The following ITGA11 variants were observed in gnomAD, a reference collection of about 807,000 sequenced individuals.
The protein encoded by ITGA11 is integrin alpha-11.
ITGA11 carries 97 observed loss-of-function variants against 141.9 expected under a neutral mutation model. That is an observed-to-expected ratio of 0.68 (90% CI 0.58 to 0.81). ITGA11 has a LOEUF of 0.81. ITGA11 is among the 30% of genes least tolerant of loss of function. The pLI, the probability that ITGA11 is intolerant of heterozygous loss-of-function variation, is 0.00. For missense variants in ITGA11, 1,387 were observed against 1,559.2 expected (o/e 0.89, Z 1.86); for synonymous variants, 658 against 624.6 (o/e 1.05, Z -0.80).
At position 68,365,138 on chromosome 15, in the gene ITGA11, C is replaced by T. The variant is rs920749887; in HGVS notation, c.266-340G>A. On this transcript the variant is annotated intron_variant, in intron 3 of 29. Transcript: ENST00000315757. ...CCGTGTGCCCCCAAGCATGCCATGG[C>T]ATCCCACCTGGGCTGGCTTCCTTTG... The T allele has an allele frequency of 3.0e-6, 3 of 985,256 alleles. No homozygotes were observed. The African/African-American group carries it at 5.2e-5, about 17-fold the overall frequency. The allele number at this position is 985,256 out of a possible 1,614,324, so 61.0% of individuals were successfully genotyped here.
At chr15:68,422,990 G>T (rs1897055363) in intron 1 of ITGA11, among the ~76,000 whole-genome samples, 2 of 152,152 alleles carry the variant, frequency 1.3e-5, no homozygotes, top group Non-Finnish European at 2.9e-5. Context: ...ATCTCCCAGG[G>T]CCTGATTCCA....
At chr15:68,397,739 ATATT>A (rs1896354432) in intron 2 of ITGA11, among the ~76,000 whole-genome samples, 1 of 107,540 alleles carries the variant, frequency 9.3e-6, no homozygotes, top group African/African-American at 4.1e-5. Flanking sequence ...TTAAAATATT[ATATT>A]TAAAATATTA....
In ITGA11 at chr15:68,331,936, G is replaced by T. The variant is rs1326043261; in HGVS notation, c.1693C>A (p.Pro565Thr). 3 of 1,613,432 alleles carry T rather than the reference G, an allele frequency of 1.9e-6. No individual in the cohort carries two copies. The highest frequency in any genetic ancestry group is 2.2e-5 in the East Asian group (1 of 44,842). ...DSYNDVVVGA[P>T]LEDNHAGAIY... ...GCTCCTGCGTGGTTGTCCTCCAGGG[G>T]GGCTCCCACCACCACGTCATTGTAG... Residue 565 changes from proline to threonine, a missense_variant, in exon 14 of 30, where the codon CCC becomes ACC. Coordinates refer to ENST00000315757, the MANE Select transcript of ITGA11 (RefSeq NM_001004439.2).
chr15:68,417,642 C>G (rs764046476), intron 1 of ITGA11, among the ~76,000 whole-genome samples: 1 of 152,240 alleles, frequency 6.6e-6, no homozygotes, highest in South Asian at 2.1e-4. Flanking sequence ...CAGGGCCCAC[C>G]AGGCCCTGCG....
chr15:68,419,933 GTGT>G (rs1212245324), intron 1 of ITGA11, among the ~76,000 whole-genome samples: 5 of 152,174 alleles, frequency 3.3e-5, no homozygotes, highest in Non-Finnish European at 7.3e-5. Context: ...GTCGAGACCA[GTGT>G]TGAAACCTTA....
intron 1 of ITGA11, among the ~76,000 whole-genome samples, chr15:68,429,461 A>G (rs1897219424): frequency 6.6e-6 from 1 of 152,112 alleles, no homozygotes; most frequent in Admixed American, 6.5e-5. Flanking sequence ...GGACTTGATT[A>G]CTTTTTTTTT....
chr15:68,402,331 T>C (rs923292868), intron 2 of ITGA11, among the ~76,000 whole-genome samples: 2 of 152,228 alleles, frequency 1.3e-5, no homozygotes, highest in Non-Finnish European at 2.9e-5. Context: ...CCTCACAACA[T>C]GGTACATTTA....
At chr15:68,407,995 C>T (rs1896687540) in intron 1 of ITGA11, among the ~76,000 whole-genome samples, 1 of 152,248 alleles carries the variant, frequency 6.6e-6, no homozygotes, top group African/African-American at 2.4e-5. Flanking sequence ...GCCTCTCCTC[C>T]TCCTCCCATA....
At chr15:68,352,751 A>G (rs2140334763) in intron 7 of ITGA11, among the ~76,000 whole-genome samples, 1 of 152,328 alleles carries the variant, frequency 6.6e-6, no homozygotes, top group East Asian at 1.9e-4. Flanking sequence ...CCAGAGCATG[A>G]GCTCAGCCCA....
At chr15:68,338,911 T>C (rs1327771689) in intron 11 of ITGA11, among the ~76,000 whole-genome samples, 1 of 152,146 alleles carries the variant, frequency 6.6e-6, no homozygotes, top group African/African-American at 2.4e-5. Context: ...GAACAAGCCA[T>C]GGCGAATGGG....
At chr15:68,338,153 C>T (rs758259319) in intron 11 of ITGA11, among the ~76,000 whole-genome samples, 5 of 152,214 alleles carry the variant, frequency 3.3e-5, no homozygotes, top group African/African-American at 9.7e-5. Flanking sequence ...CAGGGCTGTA[C>T]ACTTGGGAGG....
In ITGA11 at chr15:68,332,326, GC is replaced by G; in HGVS notation, c.1566+11del. 1.3e-6 allele frequency: 2 copies of G among 1,598,822 alleles called. No individual in the cohort carries two copies. ...GCACCTGAGAAGCTGCCCAGCCCCT[GC>G]CCAGCTGTACCTGTCTCAGCTCATA... is the stretch of plus-strand genomic sequence containing the variant. On this transcript the variant is annotated intron_variant, in intron 13 of 29. Transcript: ENST00000315757.
chr15:68,341,279 G>A (rs942048724), intron 10 of ITGA11, among the ~76,000 whole-genome samples: 1 of 152,216 alleles, frequency 6.6e-6, no homozygotes, highest in Non-Finnish European at 1.5e-5. Flanking sequence ...TTCGGGCCAC[G>A]ACAGGAGCCA....
Position 68,322,340 on chromosome 15 carries a change from G to T in ITGA11, c.2323-837C>A, listed in dbSNP as rs1297997409. On this transcript the variant is annotated intron_variant, in intron 18 of 29. Transcript: ENST00000315757. This position sits in a 1 kb window ranked among gnomAD's most constrained non-coding sequence, Gnocchi z 5.6. ...CTGCTGTGGGAGAATGGAGTGAGAA[G>T]ATGGAGGCTCGAGGCAGGGAGACCA... 6.6e-6 allele frequency among the ~76,000 whole-genome samples: 1 copy of T among 152,154 alleles called. No individual in the cohort carries two copies. Among genetic ancestry groups the T allele is most frequent in the Non-Finnish European group, 1.5e-5 (1 of 68,032 alleles).
At chr15:68,398,743 CTG>C (rs1451337754) in intron 2 of ITGA11, among the ~76,000 whole-genome samples, 1 of 145,804 alleles carries the variant, frequency 6.9e-6, no homozygotes, top group African/African-American at 2.5e-5. Flanking sequence ...TTTATATTAA[CTG>C]TAAATATAAC....
At chr15:68,332,870 T>C (rs1334629085) in intron 12 of ITGA11, among the ~76,000 whole-genome samples, 2 of 151,334 alleles carry the variant, frequency 1.3e-5, no homozygotes, top group Admixed American at 6.6e-5. Flanking sequence ...CTAGTTTTTT[T>C]CCCCTGAGGC....
chr15:68,303,664 A>G lies in ITGA11; in HGVS notation c.3495+108T>C, dbSNP rs1452754450. The G allele has an allele frequency of 2.9e-6, 2 of 700,654 alleles. No homozygotes were observed. The highest frequency in any genetic ancestry group is 3.6e-5 in the African/African-American group (2 of 55,666). 43.4% of individuals were successfully genotyped at this position (700,654 alleles called of 1,614,324 possible). ...CTGCTATGGCGAGGGGTGGGGTGCC[A>G]GCTCCCCTGGAGAGGAGAACGTGGC... is the stretch of plus-strand genomic sequence containing the variant. On this transcript the variant is annotated intron_variant, in intron 29 of 29. Transcript: ENST00000315757. The surrounding 1 kb of genome is among the most constrained non-coding windows in gnomAD (Gnocchi z 5.3).
chr15:68,415,326 G>C (rs138381751), intron 1 of ITGA11, among the ~76,000 whole-genome samples: 1 of 152,310 alleles, frequency 6.6e-6, no homozygotes, highest in East Asian at 1.9e-4. Flanking sequence ...CGAAGAAATT[G>C]TGTCTTCTGA....
chr15:68,351,312 C>T lies in ITGA11; in HGVS notation c.840G>A (p.Leu280=), dbSNP rs1894905000. The T allele has an allele frequency of 1.2e-6, 2 of 1,614,064 alleles. No individual in the cohort carries two copies. The highest frequency in any genetic ancestry group is 1.1e-5 in the South Asian group (1 of 91,084). ...TTTCGCTTTGCTGGATCACCTTCTC[C>T]AGGTCTGGGCTGTCGTGGGACTCCC... The part of the protein sequence containing the change: ...TDGESHDSPD[L]EKVIQQSERD... Residue 280 remains leucine, a synonymous_variant, in exon 8 of 30, where the codon CTG becomes CTA. Coordinates refer to ENST00000315757, the MANE Select transcript of ITGA11 (RefSeq NM_001004439.2).
Sources: allele counts gnomAD v4.1 joint callset (sites outside exome capture counted in the v4.1 genomes callset), GRCh38; gene constraint gnomAD v4.1.1; non-coding constraint Gnocchi (gnomAD v3.1); transcripts MANE v1.5; gene names NCBI Gene and HGNC (gene_info 2026-07-23, HGNC 2026-07-21).